The following ABCA13 variants were observed in gnomAD, a reference collection of about 807,000 sequenced individuals.
The protein encoded by ABCA13 is ATP binding cassette subfamily A member 13.
Under a neutral mutation model 478.7 loss-of-function variants are expected in ABCA13, and 476 were observed. The ratio of observed to expected loss-of-function variants is 0.99; its 90% confidence interval spans 0.92 to 1.07. The LOEUF is 1.07. Among genes scored for constraint, ABCA13 ranks in the 50% least tolerant of loss-of-function variants. The pLI, the probability that ABCA13 is intolerant of heterozygous loss-of-function variation, is 0.00. For missense variants in ABCA13, 6,060 were observed against 5,910.6 expected (o/e 1.03, Z -0.83); for synonymous variants, 2,252 against 2,158.9 (o/e 1.04, Z -1.20).
At chr7:48,354,167 A>C (rs949012470) in intron 31 of ABCA13, among the ~76,000 whole-genome samples, 1 of 152,022 alleles carries the variant, frequency 6.6e-6, no homozygotes, top group East Asian at 1.9e-4. Context: ...TTCTAAAGGC[A>C]AACCTGAAAT....
Position 48,279,860 on chromosome 7 carries a change from AC to A in ABCA13, c.8668del (p.Leu2890TrpfsTer7). 6.4e-7 allele frequency: 1 copy of A among 1,553,922 alleles called. No homozygotes were observed. Among genetic ancestry groups the A allele is most frequent in the Non-Finnish European group, 8.7e-7 (1 of 1,155,632 alleles). On this transcript the variant is annotated frameshift_variant, in exon 18 of 62. Coordinates refer to ENST00000435803, the MANE Select transcript of ABCA13 (RefSeq NM_152701.5). LOFTEE classifies it high-confidence loss of function. ...SFKPFFCLEK[Y>X]LGGLFVLTKY... ...AAACCATTTTTCTGTTTGGAGAAAT[AC>A]CTGGGAGGATTATTTGTATTGACTA...
chr7:48,524,133 A>C, intron 53 of ABCA13, 115 bp from the exon 54 acceptor site: 1 of 941,352 alleles, frequency 1.1e-6, no homozygotes, highest in Non-Finnish European at 1.6e-6. Context: ...CTGACTGCCC[A>C]GAAGTCCGAA....
chr7:48,230,763 C>G (rs1584329466), intron 7 of ABCA13, among the ~76,000 whole-genome samples: 1 of 152,204 alleles, frequency 6.6e-6, no homozygotes, highest in East Asian at 1.9e-4. Context: ...ATCCATCCAT[C>G]CATCCATCCA....
At chr7:48,394,789 C>T (rs554834904) in intron 38 of ABCA13, among the ~76,000 whole-genome samples, 6 of 152,194 alleles carry the variant, frequency 3.9e-5, no homozygotes, top group East Asian at 1.9e-4. Flanking sequence ...GTGCACCCAT[C>T]GCTTGAGCAG....
chr7:48,409,259 A>G (rs1476215531), intron 39 of ABCA13, among the ~76,000 whole-genome samples: 1 of 152,220 alleles, frequency 6.6e-6, no homozygotes, highest in Non-Finnish European at 1.5e-5. Context: ...AAGCAGCAAC[A>G]TCTTTTTACA....
intron 48 of ABCA13, among the ~76,000 whole-genome samples, chr7:48,491,393 A>G (rs1425760591): frequency 6.6e-6 from 1 of 152,212 alleles, no homozygotes; most frequent in Admixed American, 6.5e-5. Context: ...CCTTGAGGTA[A>G]GAAGATCTTG....
At chr7:48,416,749 G>C (rs1820059917) in intron 41 of ABCA13, among the ~76,000 whole-genome samples, 2 of 151,964 alleles carry the variant, frequency 1.3e-5, no homozygotes, top group Admixed American at 1.3e-4. Flanking sequence ...TGCACCTTTT[G>C]CTTCCTCACC....
At chr7:48,461,932 T>C (rs1180893465) in intron 43 of ABCA13, among the ~76,000 whole-genome samples, 1 of 152,022 alleles carries the variant, frequency 6.6e-6, no homozygotes, top group Non-Finnish European at 1.5e-5. Flanking sequence ...AAGTTTACAG[T>C]CAAGCAGAGA....
intron 32 of ABCA13, among the ~76,000 whole-genome samples, chr7:48,371,192 T>C (rs955476111): frequency 7.9e-5 from 12 of 152,210 alleles, no homozygotes; most frequent in African/African-American, 2.9e-4. Context: ...CTTTGTAGTA[T>C]AGTTTGAAGT....
In ABCA13 at chr7:48,455,099, G is replaced by C. The variant is rs1477145942; in HGVS notation, c.12628G>C (p.Ala4210Pro). 6.4e-7 allele frequency: 1 copy of C among 1,551,918 alleles called. No homozygotes were observed. Among genetic ancestry groups the C allele is most frequent in the Admixed American group, 1.9e-5 (1 of 51,544 alleles). ...CCAGCTGCTCCGCGCACAAGTGGCCGCGATCCTGGCCCGGAGGCTCCGCCG... is the reference window on the plus strand; with the variant it reads ...CCAGCTGCTCCGCGCACAAGTGGCCCCGATCCTGGCCCGGAGGCTCCGCCG... ...GVQLLRAQVA[A>P]ILARRLRRTL... is the part of the protein sequence containing the mutation. The change falls in exon 43 of 62, where the codon GCG becomes CCG. Residue 4210 changes from alanine to proline, a missense_variant. Physicochemically the swap from Ala to Pro is conservative, Grantham distance 27. Coordinates refer to ENST00000435803, the MANE Select transcript of ABCA13 (RefSeq NM_152701.5).
At chr7:48,277,950 G>A (rs1378361915) in intron 17 of ABCA13, 144 bp from the exon 18 acceptor site, 6 of 246,502 alleles carry the variant, frequency 2.4e-5, no homozygotes, top group Non-Finnish European at 4.6e-5. Context: ...AATTATTTTA[G>A]CATGTCATCT....
intron 39 of ABCA13, among the ~76,000 whole-genome samples, chr7:48,405,596 G>A (rs1197039842): frequency 6.6e-6 from 1 of 152,186 alleles, no homozygotes; most frequent in East Asian, 1.9e-4. Context: ...ATGGGAGATA[G>A]ACAAATAGAT....
At chr7:48,248,179 C>T (rs1270943191) in intron 13 of ABCA13, 60 bp from the exon 14 acceptor site, 15 of 1,439,794 alleles carry the variant, frequency 1.0e-5, no homozygotes, top group Non-Finnish European at 1.3e-5. Context: ...GGCTGCGTCT[C>T]AAATACCCAC....
chr7:48,366,251 C>G (rs1044925909), intron 31 of ABCA13, among the ~76,000 whole-genome samples: 2 of 151,756 alleles, frequency 1.3e-5, no homozygotes, highest in Non-Finnish European at 2.9e-5. Flanking sequence ...CCTTTTTTTT[C>G]CTTTGCCTGG....
At chr7:48,394,052 C>T (rs542868950) in intron 38 of ABCA13, among the ~76,000 whole-genome samples, 27 of 152,224 alleles carry the variant, frequency 1.8e-4, no homozygotes, top group African/African-American at 3.1e-4. Flanking sequence ...CCTGATGTCA[C>T]GTGCTTTCAG....
intron 58 of ABCA13, among the ~76,000 whole-genome samples, chr7:48,608,541 T>C (rs1791701099): frequency 6.6e-6 from 1 of 152,186 alleles, no homozygotes; most frequent in Admixed American, 6.5e-5. Context: ...ACTGGAGGAA[T>C]TGGCTTTTTC....
intron 15 of ABCA13, among the ~76,000 whole-genome samples, chr7:48,257,202 T>A (rs1324795918): frequency 1.3e-5 from 2 of 152,176 alleles, no homozygotes; most frequent in Non-Finnish European, 2.9e-5. Context: ...CTATGGGGTT[T>A]TCTAGGTATA....
At chr7:48,421,425 C>T (rs1820726051) in intron 41 of ABCA13, among the ~76,000 whole-genome samples, 1 of 152,192 alleles carries the variant, frequency 6.6e-6, no homozygotes, top group African/African-American at 2.4e-5. Context: ...ATATAAGGAA[C>T]CACTCATAGC....
chr7:48,311,378 T>G (rs1801748796), intron 24 of ABCA13, among the ~76,000 whole-genome samples: 1 of 152,168 alleles, frequency 6.6e-6, no homozygotes, highest in African/African-American at 2.4e-5. Context: ...CAAACCCACC[T>G]CTATCTTGGT....
Sources: gnomAD v4.1 joint callset for allele counts (sites outside exome capture counted in the v4.1 genomes callset) on GRCh38, gnomAD v4.1.1 for gene constraint, MANE v1.5 for transcripts, NCBI Gene and HGNC (gene_info 2026-07-23, HGNC 2026-07-21) for gene names.